SGIP1: variants seen among roughly 807,000 people sequenced by gnomAD.
SGIP1 encodes SH3-containing GRB2-like protein 3-interacting protein 1.
A neutral mutation model predicts 107.5 loss-of-function variants in SGIP1; 38 were observed. The observed-to-expected ratio is 0.35, with a 90% CI of 0.27 to 0.46. The LOEUF (loss-of-function observed/expected upper bound fraction) is 0.46. SGIP1 is among the 20% of genes least tolerant of loss of function. SGIP1 has a pLI of 1.00. For synonymous variants in SGIP1, 365 were observed against 366.1 expected (o/e 1.00, Z 0.03); for missense variants, 929 against 1,019.5 (o/e 0.91, Z 1.21).
chr1:66,708,739 A>G (rs523188), intron 18 of SGIP1, among the ~76,000 whole-genome samples: 86,805 of 150,996 alleles, frequency 0.57, 25,917 homozygotes, highest in East Asian at 1. Flanking sequence ...AAAAATGTCA[A>G]TTGATTGTAT....
At chr1:66,677,144 G>A (rs1240140746) in intron 13 of SGIP1, 48 bp downstream of exon 13, 3 of 1,444,620 alleles carry the variant, frequency 2.1e-6, no homozygotes, top group Non-Finnish European at 2.9e-6. Flanking sequence ...ACTCATTTTA[G>A]TGTCTGTCTG....
At chr1:66,691,141 C>T (rs2089748318) in intron 17 of SGIP1, among the ~76,000 whole-genome samples, 1 of 152,178 alleles carries the variant, frequency 6.6e-6, no homozygotes, top group South Asian at 2.1e-4. Context: ...CCCCGTTCCC[C>T]ATTGTCTTCC....
intron 3 of SGIP1, among the ~76,000 whole-genome samples, chr1:66,633,584 A>G (rs994110530): frequency 2.0e-5 from 3 of 152,226 alleles, no homozygotes; most frequent in Non-Finnish European, 2.9e-5. Context: ...GCCTGAATTT[A>G]CAGCCTGAAA....
chr1:66,625,802 GA>G (rs752275617), intron 1 of SGIP1, 44 bp from the exon 2 acceptor site: 4 of 1,549,106 alleles, frequency 2.6e-6, no homozygotes, highest in Non-Finnish European at 2.7e-6. Flanking sequence ...ATGTTCACTT[GA>G]ATGTTGCTGA....
At chr1:66,612,514 T>C (rs918807437) in intron 1 of SGIP1, among the ~76,000 whole-genome samples, 1 of 152,274 alleles carries the variant, frequency 6.6e-6, no homozygotes, top group African/African-American at 2.4e-5. Flanking sequence ...TTTTATATGA[T>C]GTATACTATG....
chr1:66,705,963 A>G (rs532024345), intron 18 of SGIP1, among the ~76,000 whole-genome samples: 37 of 152,170 alleles, frequency 2.4e-4, no homozygotes, highest in African/African-American at 8.2e-4. Context: ...GGTGCAGCAA[A>G]CCACCATGGC....
At chr1:66,673,984 C>T (rs1570815) in intron 12 of SGIP1, among the ~76,000 whole-genome samples, 103,015 of 151,758 alleles carry the variant, frequency 0.68, 36,289 homozygotes, top group East Asian at 1. Context: ...GGACAACATA[C>T]GGAGACCCCC....
chr1:66,669,058 G>C (rs1211521291), intron 9 of SGIP1, among the ~76,000 whole-genome samples: 1 of 152,184 alleles, frequency 6.6e-6, no homozygotes, highest in Admixed American at 6.5e-5. Context: ...CTGCTGAGTT[G>C]CTGCTGATCT....
chr1:66,605,419 A>G (rs1195313124), intron 1 of SGIP1, among the ~76,000 whole-genome samples: 2 of 152,138 alleles, frequency 1.3e-5, no homozygotes, highest in Non-Finnish European at 2.9e-5. Context: ...GGGAGTTGTC[A>G]AGGCAGAAAA....
intron 7 of SGIP1, among the ~76,000 whole-genome samples, chr1:66,658,297 C>G (rs190567412): frequency 6.6e-6 from 1 of 151,830 alleles, no homozygotes; most frequent in African/African-American, 2.4e-5. Context: ...AAAATTCTGC[C>G]CTGGAGATCT....
intron 1 of SGIP1, among the ~76,000 whole-genome samples, chr1:66,611,826 G>A (rs915809153): frequency 6.6e-6 from 1 of 152,158 alleles, no homozygotes; most frequent in African/African-American, 2.4e-5. Flanking sequence ...GAGAGGGAAC[G>A]CTGGCAAAAG....
chr1:66,624,153 A>AT (rs35092907), intron 1 of SGIP1, among the ~76,000 whole-genome samples: 55,082 of 151,932 alleles, frequency 0.36, 10,421 homozygotes, highest in African/African-American at 0.47. Flanking sequence ...ACCAGTGGTG[A>AT]TTGCTGAATA....
intron 21 of SGIP1, among the ~76,000 whole-genome samples, chr1:66,734,520 T>C (rs888682790): frequency 1.3e-5 from 2 of 151,390 alleles, no homozygotes; most frequent in African/African-American, 4.9e-5. Flanking sequence ...TTTTTTTTTT[T>C]TTGAGACAGA....
At chr1:66,562,652 G>A (rs6678394) in intron 1 of SGIP1, among the ~76,000 whole-genome samples, 9,317 of 152,082 alleles carry the variant, frequency 0.061, 881 homozygotes, top group African/African-American at 0.2. Flanking sequence ...TTTTTCTTTA[G>A]CAAAAATACT....
At chr1:66,576,359 G>T (rs1054007769) in intron 1 of SGIP1, among the ~76,000 whole-genome samples, 1 of 152,202 alleles carries the variant, frequency 6.6e-6, no homozygotes, top group Non-Finnish European at 1.5e-5. Context: ...TGTGGGGTTA[G>T]GAGCATGGGC....
intron 1 of SGIP1, among the ~76,000 whole-genome samples, chr1:66,607,883 T>C (rs1562217): frequency 0.63 from 95,516 of 152,110 alleles, 30,788 homozygotes; most frequent in East Asian, 1. Flanking sequence ...ACTGAGTAGA[T>C]CAGACAGAAC....
chr1:66,618,103 A>T (rs2069883081), intron 1 of SGIP1, among the ~76,000 whole-genome samples: 1 of 152,256 alleles, frequency 6.6e-6, no homozygotes, highest in African/African-American at 2.4e-5. Context: ...TTCCTGAAAC[A>T]TCACAACTAC....
At chr1:66,689,801 T>C (rs2089405624) in intron 16 of SGIP1, among the ~76,000 whole-genome samples, 1 of 152,214 alleles carries the variant, frequency 6.6e-6, no homozygotes, top group African/African-American at 2.4e-5. Flanking sequence ...CTTTGGCATT[T>C]GCACACAGGA....
chr1:66,536,175 G>A (rs2053557033), intron 1 of SGIP1, among the ~76,000 whole-genome samples: 1 of 152,226 alleles, frequency 6.6e-6, no homozygotes, highest in Non-Finnish European at 1.5e-5. Flanking sequence ...TGCTGGAGCT[G>A]AATTAGCACT....
Sources: gnomAD v4.1 joint callset for allele counts (sites outside exome capture counted in the v4.1 genomes callset) on GRCh38, gnomAD v4.1.1 for gene constraint, MANE v1.5 for transcripts, NCBI Gene and HGNC (gene_info 2026-07-23, HGNC 2026-07-21) for gene names.